Variants in AVL9 observed in about 807,000 individuals in gnomAD.
The protein encoded by AVL9 is AVL9 cell migration associated.
In AVL9, 49 loss-of-function variants were observed where a neutral mutation model predicts 79.2. The ratio of observed to expected loss-of-function variants is 0.62; its 90% CI spans 0.49 to 0.79. AVL9 has a LOEUF of 0.79. Ranked by LOEUF, AVL9 falls within the 30% of genes least tolerant of loss-of-function variation. The probability of loss-of-function intolerance (pLI) is 0.00; values close to 1 mark genes in which losing one functional copy is unlikely to be tolerated. For synonymous variants in AVL9, 299 were observed against 280.6 expected, an observed-to-expected ratio of 1.07 and a Z score of -0.65; for missense variants, 682 against 776.8, an observed-to-expected ratio of 0.88 and a Z score of 1.45.
Position 32,585,361 on chromosome 7 carries a change from C to G in AVL9, c.*1454C>G, listed in dbSNP as rs1791729636. ...AAAGGATATCTGGTTTCATGTTAGG[C>G]ACATACATGCATGTGTGTGCCATCT... On this transcript the variant is annotated 3_prime_UTR_variant, in exon 16 of 16. Transcript: ENST00000318709. The G allele has an allele frequency of 1.3e-5, 2 of 152,188 alleles. No homozygotes were observed. Among genetic ancestry groups the G allele is most frequent in the Admixed American group, 1.3e-4 (2 of 15,274 alleles). The allele number at this position is 152,188 out of a possible 1,614,324, so 9.4% of individuals were successfully genotyped here. A position where few individuals can be genotyped will look rare whatever the true frequency, so the allele number is the denominator to read the frequency against.
At position 32,586,823 on chromosome 7, in the gene AVL9, A is replaced by T. The variant is rs575120445; in HGVS notation, c.*2916A>T. ...CCTGGTATACTTCAATTCCTACTAGACATTGTAATGACAATGGTGTAGGTA... is the reference window on the plus strand; with the variant it reads ...CCTGGTATACTTCAATTCCTACTAGTCATTGTAATGACAATGGTGTAGGTA... On this transcript the variant is annotated 3_prime_UTR_variant, in exon 16 of 16. Transcript: ENST00000318709. 3 of 152,300 alleles carry T rather than the reference A, an allele frequency of 2.0e-5. No individual in the cohort carries two copies. The South Asian group carries it at 6.2e-4, about 32-fold the overall frequency. The allele number at this position is 152,300 out of a possible 1,614,324, so 9.4% of individuals were successfully genotyped here. A position where few individuals can be genotyped will look rare whatever the true frequency, so the allele number is the denominator to read the frequency against.
At chr7:32,560,755 A>G (rs1305070341) in intron 10 of AVL9, among the ~76,000 whole-genome samples, 4 of 152,244 alleles carry the variant, frequency 2.6e-5, no homozygotes, top group African/African-American at 9.6e-5. Context: ...CAAAGGAATC[A>G]CTATCCATGG....
At chr7:32,507,178 C>T (rs1242732457) in intron 1 of AVL9, among the ~76,000 whole-genome samples, 1 of 152,046 alleles carries the variant, frequency 6.6e-6, no homozygotes, top group Non-Finnish European at 1.5e-5. Flanking sequence ...ATCCTTGTCC[C>T]TCCCACCCAG....
In AVL9 at chr7:32,588,142, T is replaced by C. The variant is rs1397451974; in HGVS notation, c.*4235T>C. On this transcript the variant is annotated 3_prime_UTR_variant, in exon 16 of 16. Transcript: ENST00000318709. The stretch of plus-strand genomic sequence containing the variant: ...GGGGTTTTTCCAATCTTATTTTTCA[T>C]CAGGTTCTCACACCCACGTAGTATG... 6.6e-6 allele frequency: 1 copy of C among 152,154 alleles called. No homozygotes were observed. The highest frequency in any genetic ancestry group is 2.4e-5 in the African/African-American group (1 of 41,438). 9.4% of individuals were successfully genotyped at this position (152,154 alleles called of 1,614,324 possible).
At chr7:32,571,812 A>C (rs1199047705) in intron 11 of AVL9, among the ~76,000 whole-genome samples, 2 of 152,086 alleles carry the variant, frequency 1.3e-5, no homozygotes, top group African/African-American at 4.8e-5. Context: ...TATACTTCAA[A>C]ACTAACCTGT....
At chr7:32,520,106 C>A (rs533395169) in intron 1 of AVL9, among the ~76,000 whole-genome samples, 1 of 152,032 alleles carries the variant, frequency 6.6e-6, no homozygotes, top group Non-Finnish European at 1.5e-5. Context: ...GGACACAGTG[C>A]GAAACCATAT....
intron 4 of AVL9, 33 bp from the exon 5 acceptor site, chr7:32,551,301 T>G: frequency 7.3e-7 from 1 of 1,369,438 alleles, no homozygotes; most frequent in Non-Finnish European, 1.0e-6. Context: ...AACTAATTAT[T>G]AATCAATGGT....
At chr7:32,567,918 C>G (rs1328499346) in intron 10 of AVL9, among the ~76,000 whole-genome samples, 1 of 151,866 alleles carries the variant, frequency 6.6e-6, no homozygotes, top group Non-Finnish European at 1.5e-5. Context: ...CAGGGTTTCA[C>G]CATGTTGGTC....
At chr7:32,533,025 G>A (rs1434973376) in intron 1 of AVL9, 1 of 126,816 alleles carries the variant, frequency 7.9e-6, no homozygotes, top group African/African-American at 2.6e-5. Flanking sequence ...CTTAAAAACA[G>A]AACAAGGCCA....
chr7:32,544,654 A>C, intron 2 of AVL9, 40 bp from the exon 3 acceptor site: 13 of 1,331,380 alleles, frequency 9.8e-6, no homozygotes, highest in African/African-American at 1.4e-5. Flanking sequence ...TAATAAGGGT[A>C]ATTCACCTCA....
Position 32,584,137 on chromosome 7 carries a change from T to G in AVL9, c.*230T>G. ...TCAATTGACTACTTTTATTTCAGTC[T>G]GAGCCTGATTAAAACATACAGTGAA... On this transcript the variant is annotated 3_prime_UTR_variant, in exon 16 of 16. Coordinates refer to ENST00000318709, the MANE Select transcript of AVL9 (RefSeq NM_015060.3). The G allele has an allele frequency of 1.8e-6, 1 of 562,652 alleles. No homozygotes were observed. The highest frequency in any genetic ancestry group is 3.3e-6 in the Non-Finnish European group (1 of 305,168). The allele number at this position is 562,652 out of a possible 1,614,324, so 34.9% of individuals were successfully genotyped here. A position where few individuals can be genotyped will look rare whatever the true frequency, so the allele number is the denominator to read the frequency against.
At chr7:32,569,122 C>T (rs535235335) in intron 10 of AVL9, among the ~76,000 whole-genome samples, 86 of 152,174 alleles carry the variant, frequency 5.7e-4, no homozygotes, top group African/African-American at 1.9e-3. Context: ...GATGTAAACA[C>T]GATATTATCC....
intron 10 of AVL9, among the ~76,000 whole-genome samples, chr7:32,568,836 T>C (rs1485781344): frequency 6.6e-6 from 1 of 152,200 alleles, no homozygotes; most frequent in African/African-American, 2.4e-5. Flanking sequence ...ATGAGGAGCC[T>C]GGGTTGAGAA....
intron 12 of AVL9, among the ~76,000 whole-genome samples, chr7:32,575,366 T>C (rs1322159110): frequency 6.6e-6 from 1 of 152,178 alleles, no homozygotes; most frequent in Non-Finnish European, 1.5e-5. Context: ...CCCAAAGTGC[T>C]GGGATTACAG....
At chr7:32,510,262 C>T (rs1294244351) in intron 1 of AVL9, among the ~76,000 whole-genome samples, 1 of 151,680 alleles carries the variant, frequency 6.6e-6, no homozygotes, top group Non-Finnish European at 1.5e-5. Flanking sequence ...CTGAACTGCC[C>T]CAGTAGGAGG....
intron 1 of AVL9, among the ~76,000 whole-genome samples, chr7:32,523,301 G>A (rs554027032): frequency 3.0e-4 from 46 of 151,728 alleles, no homozygotes; most frequent in African/African-American, 1.1e-3. Context: ...AGTTTATCAT[G>A]AGAAAGCTGA....
At chr7:32,560,345 A>G (rs1281689355) in intron 10 of AVL9, among the ~76,000 whole-genome samples, 1 of 151,694 alleles carries the variant, frequency 6.6e-6, no homozygotes, top group Middle Eastern at 3.2e-3. Context: ...AATAATTTTT[A>G]ATTTATTTAA....
chr7:32,500,803 C>G (rs1023536189), intron 1 of AVL9, among the ~76,000 whole-genome samples: 1 of 152,014 alleles, frequency 6.6e-6, no homozygotes, highest in African/African-American at 2.4e-5. Flanking sequence ...AGGAAGGGGT[C>G]TAGTTTCAGT....
chr7:32,515,842 G>A (rs1787881550), intron 1 of AVL9, among the ~76,000 whole-genome samples: 1 of 151,880 alleles, frequency 6.6e-6, no homozygotes, highest in Admixed American at 6.6e-5. Context: ...AAATTGTAGG[G>A]AACAAGGCCT....
Sources: gnomAD v4.1 joint callset for allele counts (sites outside exome capture counted in the v4.1 genomes callset) on GRCh38, gnomAD v4.1.1 for gene constraint, MANE v1.5 for transcripts, NCBI Gene and HGNC (gene_info 2026-07-23, HGNC 2026-07-21) for gene names.